PSMC1: variants seen among roughly 807,000 people sequenced by gnomAD.
The protein encoded by PSMC1 is 26S proteasome regulatory subunit 4.
In PSMC1, 5 loss-of-function variants were observed where a neutral mutation model predicts 49.8. The observed-to-expected ratio is 0.10, with a 90% CI of 0.05 to 0.21. PSMC1 has a LOEUF of 0.21. PSMC1 is among the 10% of genes least tolerant of loss of function. The probability of loss-of-function intolerance (pLI) is 1.00; values close to 1 mark genes in which losing one functional copy is unlikely to be tolerated. For missense variants in PSMC1, 181 were observed against 535.7 expected, an observed-to-expected ratio of 0.34 and a Z score of 6.54; for synonymous variants, 155 against 192.1, an observed-to-expected ratio of 0.81 and a Z score of 1.60.
intron 2 of PSMC1, among the ~76,000 whole-genome samples, chr14:90,259,539 A>G (rs898162204): frequency 1.3e-5 from 2 of 152,218 alleles, no homozygotes; most frequent in Non-Finnish European, 2.9e-5. Flanking sequence ...CTTTTGGCAT[A>G]TAACTTGATT....
chr14:90,270,135 C>G, intron 9 of PSMC1, 63 bp from the exon 10 acceptor site: 1 of 1,582,438 alleles, frequency 6.3e-7, no homozygotes, highest in Non-Finnish European at 8.6e-7. Flanking sequence ...GCTGAGGCCT[C>G]TGAGCCATGG....
Position 90,272,268 on chromosome 14 carries a change from T to A in PSMC1, c.1189-5T>A. 6.2e-7 allele frequency: 1 copy of A among 1,602,006 alleles called. No homozygotes were observed. Among genetic ancestry groups the A allele is most frequent in the Non-Finnish European group, 8.5e-7 (1 of 1,177,702 alleles). On this transcript the variant is annotated splice_polypyrimidine_tract_variant and splice_region_variant and intron_variant, in intron 10 of 10. Transcript: ENST00000261303. This position sits in a 1 kb window ranked among gnomAD's most constrained non-coding sequence, Gnocchi z 4.5. ...ACTTTCTGAACACACTCTTCTTTCT[T>A]ACAGGCAATCTGTACAGAAGCTGGT... is the stretch of plus-strand genomic sequence containing the variant.
chr14:90,273,954 A>G lies in PSMC1; in HGVS notation c.*1547A>G, dbSNP rs921065253. ...ATTGGACCCATGCAGATGATCCAGG[A>G]TAATTTCCCTGTTTTAAAGTTTACA... is the stretch of plus-strand genomic sequence containing the variant. On this transcript the variant is annotated 3_prime_UTR_variant, in exon 11 of 11. Transcript: ENST00000261303. 3 of 154,118 alleles carry G rather than the reference A, an allele frequency of 1.9e-5. No homozygotes were observed. The highest frequency in any genetic ancestry group is 1.3e-4 in the Admixed American group (2 of 15,154). The allele number at this position is 154,118 out of a possible 1,614,324, so 9.5% of individuals were successfully genotyped here.
In PSMC1 at chr14:90,272,744, T is replaced by A. The variant is rs1300829817; in HGVS notation, c.*337T>A. The A allele has an allele frequency of 2.2e-5, 4 of 182,540 alleles. No individual in the cohort carries two copies. The highest frequency in any genetic ancestry group is 3.4e-5 in the Non-Finnish European group (3 of 87,340). The allele number at this position is 182,540 out of a possible 1,614,324, so 11.3% of individuals were successfully genotyped here. A position where few individuals can be genotyped will look rare whatever the true frequency, so the allele number is the denominator to read the frequency against. On this transcript the variant is annotated 3_prime_UTR_variant, in exon 11 of 11. Transcript: ENST00000261303. The surrounding 1 kb of genome is among the most constrained non-coding windows in gnomAD (Gnocchi z 4.5). Reference sequence around the variant, plus strand: ...GCTGCGGTCCCAAGGAGTGTGGACCTCACTATGCGTTCGCCACATCACACC... The same window carrying A: ...GCTGCGGTCCCAAGGAGTGTGGACCACACTATGCGTTCGCCACATCACACC...
Position 90,272,020 on chromosome 14 carries a change from G to A in PSMC1, c.1189-253G>A, listed in dbSNP as rs183046724. 1.3e-4 allele frequency: 38 copies of A among 297,270 alleles called. No homozygotes were observed. The highest frequency in any genetic ancestry group is 8.7e-4 in the African/African-American group (38 of 43,610). The allele number at this position is 297,270 out of a possible 1,614,324, so 18.4% of individuals were successfully genotyped here. On this transcript the variant is annotated intron_variant, in intron 10 of 10. Transcript: ENST00000261303. The surrounding 1 kb of genome is among the most constrained non-coding windows in gnomAD (Gnocchi z 4.5). ...CAATTCTCCTGCCTCAGCCTCCCGA[G>A]TAGCTAGGATTACAGGTGCCTGCCA...
At position 90,273,559 on chromosome 14, in the gene PSMC1, A is replaced by AAAATAAAT. The variant is rs562695048; in HGVS notation, c.*1168_*1175dup. 1 of 152,186 alleles carries AAAATAAAT rather than the reference A, an allele frequency of 6.6e-6. No individual in the cohort carries two copies. Among genetic ancestry groups the AAAATAAAT allele is most frequent in the African/African-American group, 2.4e-5 (1 of 41,424 alleles). 9.4% of individuals were successfully genotyped at this position (152,186 alleles called of 1,614,324 possible). On this transcript the variant is annotated 3_prime_UTR_variant, in exon 11 of 11. Coordinates refer to ENST00000261303, the MANE Select transcript of PSMC1 (RefSeq NM_002802.3). ...GGCGACAGAGCAAGACTCCGTCTCA[A>AAAATAAAT]AAATAAATAAATAAATAAATAAAAA...
chr14:90,264,718 G>A (rs954174184), intron 6 of PSMC1, among the ~76,000 whole-genome samples: 2 of 152,202 alleles, frequency 1.3e-5, no homozygotes, highest in Non-Finnish European at 2.9e-5. Flanking sequence ...CCCTAGATGG[G>A]AACAGCCATC....
chr14:90,261,727 TG>T (rs1226439869), intron 3 of PSMC1, among the ~76,000 whole-genome samples: 1 of 152,058 alleles, frequency 6.6e-6, no homozygotes, highest in Non-Finnish European at 1.5e-5. Flanking sequence ...GTTCAACCAT[TG>T]TGGAAGACAG....
At chr14:90,267,300 T>G (rs1891543372) in intron 7 of PSMC1, among the ~76,000 whole-genome samples, 1 of 152,034 alleles carries the variant, frequency 6.6e-6, no homozygotes, top group Non-Finnish European at 1.5e-5. Context: ...TAGCTAGGAT[T>G]ACAGGCATGT....
chr14:90,262,268 G>A (rs1312869584), intron 3 of PSMC1, among the ~76,000 whole-genome samples: 1 of 151,678 alleles, frequency 6.6e-6, no homozygotes, highest in East Asian at 1.9e-4. Flanking sequence ...TGCACGTCAT[G>A]CACATGTACC....
rs1595047951 is a variant in PSMC1, at chr14:90,272,449, C to T, written c.*42C>T. On this transcript the variant is annotated 3_prime_UTR_variant, in exon 11 of 11. Coordinates refer to ENST00000261303, the MANE Select transcript of PSMC1 (RefSeq NM_002802.3). The surrounding 1 kb of genome is among the most constrained non-coding windows in gnomAD (Gnocchi z 4.5). ...TCAGGAAAATGGTTGGGAGATTTCT[C>T]AATCCCTGAAAGGGATGAGGTTGGG... 6.7e-7 allele frequency: 1 copy of T among 1,502,466 alleles called. No individual in the cohort carries two copies. Among genetic ancestry groups the T allele is most frequent in the Admixed American group, 2.2e-5 (1 of 44,674 alleles). 93.1% of individuals were successfully genotyped at this position (1,502,466 alleles called of 1,614,324 possible).
In PSMC1 at chr14:90,272,453, C is replaced by A; in HGVS notation, c.*46C>A. 3 of 1,475,536 alleles carry A rather than the reference C, an allele frequency of 2.0e-6. No individual in the cohort carries two copies. The highest frequency in any genetic ancestry group is 2.7e-6 in the Non-Finnish European group (3 of 1,092,510). 91.4% of individuals were successfully genotyped at this position (1,475,536 alleles called of 1,614,324 possible). A position where few individuals can be genotyped will look rare whatever the true frequency, so the allele number is the denominator to read the frequency against. On this transcript the variant is annotated 3_prime_UTR_variant, in exon 11 of 11. Transcript: ENST00000261303. The surrounding 1 kb of genome is among the most constrained non-coding windows in gnomAD (Gnocchi z 4.5). ...GAAAATGGTTGGGAGATTTCTCAAT[C>A]CCTGAAAGGGATGAGGTTGGGGGAG...
intron 7 of PSMC1, among the ~76,000 whole-genome samples, chr14:90,267,240 C>T (rs1891541319): frequency 6.6e-6 from 1 of 151,996 alleles, no homozygotes; most frequent in Admixed American, 6.6e-5. Flanking sequence ...AGCGATTCTC[C>T]TGCCTTAGCC....
chr14:90,260,017 G>T (rs1194814546), intron 2 of PSMC1, 98 bp from the exon 3 acceptor site: 8 of 692,082 alleles, frequency 1.2e-5, no homozygotes, highest in Non-Finnish European at 1.8e-5. Context: ...AAGGAAAATT[G>T]TACCACCTGA....
chr14:90,268,094 T>TCC, intron 7 of PSMC1, 130 bp from the exon 8 acceptor site: 1 of 660,622 alleles, frequency 1.5e-6, no homozygotes. Flanking sequence ...GACACTTGAA[T>TCC]TGGTGCCATG....
intron 7 of PSMC1, among the ~76,000 whole-genome samples, chr14:90,265,517 C>A (rs1487175203): frequency 7.9e-5 from 12 of 151,742 alleles, no homozygotes; most frequent in Non-Finnish European, 1.8e-4. Context: ...GGTGAAACCC[C>A]GTCTCTACTA....
rs149674700 is a variant in PSMC1 at position 90,274,097 on chromosome 14, C to T, written c.*1690C>T. On this transcript the variant is annotated 3_prime_UTR_variant, in exon 11 of 11. Transcript: ENST00000261303. ...CTGCCTACCACAGAGGACATCCACA[C>T]GTGGGGGTGGCCCAGTGCAGGGTAA... is the stretch of plus-strand genomic sequence containing the variant. 6.5e-6 allele frequency: 1 copy of T among 154,506 alleles called. No individual in the cohort carries two copies. Among genetic ancestry groups the T allele is most frequent in the Non-Finnish European group, 1.5e-5 (1 of 68,334 alleles). 9.6% of individuals were successfully genotyped at this position (154,506 alleles called of 1,614,324 possible).
intron 7 of PSMC1, among the ~76,000 whole-genome samples, chr14:90,267,222 C>T (rs567471627): frequency 4.1e-4 from 62 of 151,994 alleles, no homozygotes; most frequent in African/African-American, 1.2e-3. Flanking sequence ...CTCCGCCTCC[C>T]GGGTTCAAGC....
rs961019006 is a variant in PSMC1, at chr14:90,268,164, T to G, written c.692-60T>G. ...ATTTAAGGTGGTAATGATACGAGTT[T>G]TTAAGTTAAAATGGCACTTAAGGTG... On this transcript the variant is annotated intron_variant, in intron 7 of 10. Transcript: ENST00000261303. 4 of 1,403,926 alleles carry G rather than the reference T, an allele frequency of 2.8e-6. No homozygotes were observed. In the African/African-American group the frequency reaches 5.8e-5, roughly 20 times the overall value. 87.0% of individuals were successfully genotyped at this position (1,403,926 alleles called of 1,614,324 possible). A position where few individuals can be genotyped will look rare whatever the true frequency, so the allele number is the denominator to read the frequency against.
Sources: gnomAD v4.1 joint callset for allele counts (sites outside exome capture counted in the v4.1 genomes callset) on GRCh38, gnomAD v4.1.1 for gene constraint, Gnocchi (gnomAD v3.1) non-coding constraint, MANE v1.5 for transcripts, NCBI Gene and HGNC (gene_info 2026-07-23, HGNC 2026-07-21) for gene names.